LRGUK: variants seen among roughly 807,000 people sequenced by gnomAD.
LRGUK encodes the protein leucine rich repeats and guanylate kinase domain containing, also known as leucine-rich repeat and guanylate kinase domain-containing protein.
A neutral mutation model predicts 76.0 loss-of-function variants in LRGUK; 65 were observed. The observed-to-expected ratio is 0.85, with a 90% CI of 0.70 to 1.05. The LOEUF (loss-of-function observed/expected upper bound fraction) is 1.05. Among genes scored for constraint, LRGUK ranks in the 50% least tolerant of loss-of-function variants. The probability of loss-of-function intolerance (pLI) is 0.00; values close to 1 mark genes in which losing one functional copy is unlikely to be tolerated. For synonymous variants in LRGUK, 268 were observed against 265.6 expected (o/e 1.01, Z -0.09); for missense variants, 758 against 732.8 (o/e 1.03, Z -0.40).
chr7:134,154,398 G>A (rs1173237664), intron 5 of LRGUK, among the ~76,000 whole-genome samples: 1 of 152,194 alleles, frequency 6.6e-6, no homozygotes, highest in Non-Finnish European at 1.5e-5. Context: ...GGGAGATAAA[G>A]ATATTGAAGA....
At chr7:134,192,068 G>A (rs1800277736) in intron 12 of LRGUK, among the ~76,000 whole-genome samples, 2 of 152,138 alleles carry the variant, frequency 1.3e-5, no homozygotes, top group African/African-American at 4.8e-5. Flanking sequence ...ACTGTTATTA[G>A]TCAGATTTAC....
chr7:134,141,351 G>A (rs1257531624), intron 3 of LRGUK, among the ~76,000 whole-genome samples: 2 of 152,108 alleles, frequency 1.3e-5, no homozygotes, highest in African/African-American at 2.4e-5. Context: ...GGTTTGGGGC[G>A]GGGCCTGGAA....
At chr7:134,198,643 G>C (rs893259780) in intron 13 of LRGUK, among the ~76,000 whole-genome samples, 9 of 152,312 alleles carry the variant, frequency 5.9e-5, no homozygotes, top group African/African-American at 1.4e-4. Flanking sequence ...AGGAGCCAGA[G>C]AGCTGCAGTT....
chr7:134,169,922 C>G (rs1799171242), intron 7 of LRGUK, among the ~76,000 whole-genome samples: 1 of 152,020 alleles, frequency 6.6e-6, no homozygotes, highest in African/African-American at 2.4e-5. Flanking sequence ...AAGACTCTTA[C>G]TATATTTCAT....
chr7:134,223,394 G>A (rs939709306), intron 16 of LRGUK, among the ~76,000 whole-genome samples: 2 of 152,212 alleles, frequency 1.3e-5, no homozygotes, highest in African/African-American at 4.8e-5. Context: ...CAGAAGGCAC[G>A]ACCTGTGGCT....
intron 5 of LRGUK, among the ~76,000 whole-genome samples, chr7:134,152,221 T>C (rs1798249527): frequency 6.6e-6 from 1 of 152,062 alleles, no homozygotes; most frequent in African/African-American, 2.4e-5. Flanking sequence ...GGAAATCTGT[T>C]GCATTTCTGT....
intron 12 of LRGUK, among the ~76,000 whole-genome samples, chr7:134,192,233 C>T (rs2068375): frequency 0.039 from 5,914 of 152,188 alleles, 242 homozygotes; most frequent in East Asian, 0.15. Context: ...TTCAGTATGG[C>T]GTGTCCCATT....
At chr7:134,131,135 A>C (rs753591633) in intron 1 of LRGUK, among the ~76,000 whole-genome samples, 2 of 152,214 alleles carry the variant, frequency 1.3e-5, no homozygotes, top group Admixed American at 6.5e-5. Context: ...GGGCCCAAAA[A>C]TTGATGCATG....
rs1302289679 is a variant in LRGUK at position 134,191,853 on chromosome 7, G to A, written c.1431+102G>A. On this transcript the variant is annotated intron_variant, in intron 12 of 15. Coordinates refer to ENST00000645682, the Ensembl canonical transcript of LRGUK. ...ATAAAAAAAGGAAGAATTAAATTTT[G>A]TGCTTGTTATGAGAGGTGAGTTTTT... The A allele has an allele frequency of 3.6e-6, 3 of 826,520 alleles. No individual in the cohort carries two copies. The African/African-American group carries it at 5.4e-5, about 15-fold the overall frequency. The allele number at this position is 826,520 out of a possible 1,614,324, so 51.2% of individuals were successfully genotyped here. A position where few individuals can be genotyped will look rare whatever the true frequency, so the allele number is the denominator to read the frequency against.
At chr7:134,145,120 T>C (rs1797914902) in intron 4 of LRGUK, among the ~76,000 whole-genome samples, 1 of 152,134 alleles carries the variant, frequency 6.6e-6, no homozygotes, top group Non-Finnish European at 1.5e-5. Flanking sequence ...CAAGCAAATA[T>C]ATTGGTCATT....
At chr7:134,259,911 G>A (rs556893471) in intron 19 of LRGUK, among the ~76,000 whole-genome samples, 187 of 152,210 alleles carry the variant, frequency 1.2e-3, no homozygotes, top group African/African-American at 4.2e-3. Flanking sequence ...TTCATGGACC[G>A]TCCCCATCTC....
exon 17 of LRGUK, chr7:134,247,630 A>G (rs752170911): frequency 3.1e-6 from 5 of 1,612,584 alleles, no homozygotes; most frequent in African/African-American, 1.3e-5. Context: ...CTGATCACAC[A>G]CTCCTATTTC....
chr7:134,172,279 T>C (rs1021198188), intron 7 of LRGUK, among the ~76,000 whole-genome samples: 1 of 152,150 alleles, frequency 6.6e-6, no homozygotes, highest in African/African-American at 2.4e-5. Flanking sequence ...TTACTGATAA[T>C]GTTAGACTGA....
chr7:134,181,495 A>G (rs1269999534), intron 10 of LRGUK, among the ~76,000 whole-genome samples: 1 of 147,782 alleles, frequency 6.8e-6, no homozygotes, highest in Non-Finnish European at 1.5e-5. Flanking sequence ...TTCAGGTATA[A>G]TGTGTGCCCT....
chr7:134,256,995 G>T (rs751490833), intron 18 of LRGUK, among the ~76,000 whole-genome samples: 12 of 152,172 alleles, frequency 7.9e-5, no homozygotes, highest in Non-Finnish European at 1.8e-4. Flanking sequence ...CAAGGTGGGA[G>T]ATGGGGACTG....
chr7:134,256,256 G>A (rs921383431), intron 18 of LRGUK, among the ~76,000 whole-genome samples: 4 of 151,948 alleles, frequency 2.6e-5, no homozygotes, highest in East Asian at 1.9e-4. Flanking sequence ...TCAGGAGTTC[G>A]AGACCAGCCC....
At chr7:134,233,523 G>T (rs1339568381) in intron 16 of LRGUK, among the ~76,000 whole-genome samples, 1 of 152,168 alleles carries the variant, frequency 6.6e-6, no homozygotes, top group Non-Finnish European at 1.5e-5. Context: ...TGAGAAAGTG[G>T]ACCTGTGGTG....
intron 16 of LRGUK, among the ~76,000 whole-genome samples, chr7:134,235,378 T>TC (rs1032117158): frequency 1.3e-5 from 2 of 152,144 alleles, no homozygotes; most frequent in African/African-American, 4.8e-5. Flanking sequence ...GAACACTCTT[T>TC]CCCCAGATAG....
At chr7:134,161,390 ACTTTGG>A (rs1798724959) in intron 6 of LRGUK, among the ~76,000 whole-genome samples, 1 of 152,030 alleles carries the variant, frequency 6.6e-6, no homozygotes, top group South Asian at 2.1e-4. Flanking sequence ...ATTTGACTTT[ACTTTGG>A]CAAATGGATT....
Sources: gnomAD v4.1 joint callset for allele counts (sites outside exome capture counted in the v4.1 genomes callset) on GRCh38, gnomAD v4.1.1 for gene constraint, MANE v1.5 for transcripts, NCBI Gene and HGNC (gene_info 2026-07-23, HGNC 2026-07-21) for gene names.